Variants in MYOM1 observed in about 807,000 individuals in gnomAD.
MYOM1 encodes the protein myomesin 1, also known as myomesin-1.
A neutral mutation model predicts 205.3 loss-of-function variants in MYOM1; 164 were observed. The ratio of observed to expected loss-of-function variants is 0.80; its 90% confidence interval spans 0.70 to 0.91. The LOEUF (loss-of-function observed/expected upper bound fraction) is 0.91. MYOM1 is among the 40% of genes least tolerant of loss of function. The pLI is 0.00. For synonymous variants in MYOM1, 772 were observed against 789.4 expected, an observed-to-expected ratio of 0.98 and a Z score of 0.37; for missense variants, 2,011 against 2,127.3, an observed-to-expected ratio of 0.95 and a Z score of 1.08.
intron 33 of MYOM1, among the ~76,000 whole-genome samples, chr18:3,081,135 A>AC (rs1598651619): frequency 6.6e-6 from 1 of 152,134 alleles, no homozygotes; most frequent in East Asian, 1.9e-4. Context: ...CGTCTCAAAA[A>AC]AAAAAAAAAA....
chr18:3,156,292 C>T (rs1598730232), intron 10 of MYOM1, among the ~76,000 whole-genome samples: 1 of 152,156 alleles, frequency 6.6e-6, no homozygotes, highest in Admixed American at 6.5e-5. Context: ...CCCATGTCGA[C>T]CAAACAAACA....
chr18:3,200,332 G>A (rs1205828566), intron 2 of MYOM1, among the ~76,000 whole-genome samples: 1 of 152,168 alleles, frequency 6.6e-6, no homozygotes, highest in African/African-American at 2.4e-5. Context: ...GACATGCCAA[G>A]AAATAGGAAA....
chr18:3,205,989 T>C lies in MYOM1; in HGVS notation c.290+8945A>G, dbSNP rs149302495. ...TTACGGTCTAGTAAGGGAGCAAATA[T>C]ATTATGTCAATCAAGGAAGAAAGGA... On this transcript the variant is annotated intron_variant, in intron 2 of 37. Coordinates refer to ENST00000356443, the MANE Select transcript of MYOM1 (RefSeq NM_003803.4). 6.4e-3 allele frequency among the ~76,000 whole-genome samples: 968 copies of C among 152,250 alleles called. 11 individuals are homozygous for C. The highest frequency in any genetic ancestry group is 0.022 in the African/African-American group (914 of 41,532).
At chr18:3,121,295 C>T (rs2079687779) in intron 19 of MYOM1, among the ~76,000 whole-genome samples, 1 of 152,092 alleles carries the variant, frequency 6.6e-6, no homozygotes, top group South Asian at 2.1e-4. Flanking sequence ...CCCTAAAATC[C>T]CGGGTAGATA....
At chr18:3,116,719 G>C (rs1309231552) in intron 20 of MYOM1, among the ~76,000 whole-genome samples, 3 of 152,138 alleles carry the variant, frequency 2.0e-5, no homozygotes, top group Non-Finnish European at 2.9e-5. Flanking sequence ...GTCCCTTTAA[G>C]GGTGGCAGGT....
Position 3,129,633 on chromosome 18 carries a change from C to T in MYOM1, c.2507-114G>A, listed in dbSNP as rs2079847764. ...GGACCACAAGCAGAACAAAAACAGT[C>T]TTGGCTTAAAGAAAATCGCTCACAT... On this transcript the variant is annotated intron_variant, in intron 17 of 37. Coordinates refer to ENST00000356443, the MANE Select transcript of MYOM1 (RefSeq NM_003803.4). The T allele has an allele frequency of 3.4e-6, 4 of 1,165,808 alleles. No homozygotes were observed. The South Asian group carries it at 8.2e-5, about 24-fold the overall frequency. 72.2% of individuals were successfully genotyped at this position (1,165,808 alleles called of 1,614,324 possible).
At chr18:3,079,539 C>T (rs2079060929) in intron 33 of MYOM1, among the ~76,000 whole-genome samples, 197 bp from the exon 34 acceptor site, 1 of 151,944 alleles carries the variant, frequency 6.6e-6, no homozygotes, top group South Asian at 2.1e-4. Context: ...CAAGGTGTGA[C>T]AGTCTGAACA....
At chr18:3,239,256 G>C in the MYOM1 span, among the ~76,000 whole-genome samples, 1 of 152,174 alleles carries the variant, frequency 6.6e-6, no homozygotes, top group South Asian at 2.1e-4. Context: ...ATAGGAGCAA[G>C]GAGAGTTCCT....
At chr18:3,087,829 A>G (rs146981136) in intron 29 of MYOM1, among the ~76,000 whole-genome samples, 1,972 of 152,054 alleles carry the variant, frequency 0.013, 21 homozygotes, top group South Asian at 0.045. Flanking sequence ...TTTTGAGTAG[A>G]CTAGCGCCAA....
At chr18:3,079,371 C>T in intron 33 of MYOM1, 29 bp from the exon 34 acceptor site, 1 of 1,592,106 alleles carries the variant, frequency 6.3e-7, no homozygotes, top group Non-Finnish European at 8.6e-7. Context: ...ACTTCCTTAG[C>T]ATTTGCTTCC....
intron 18 of MYOM1, among the ~76,000 whole-genome samples, chr18:3,128,560 A>G (rs2079828018): frequency 6.6e-6 from 1 of 152,122 alleles, no homozygotes; most frequent in South Asian, 2.1e-4. Flanking sequence ...TATAATTTTA[A>G]CTTTTAAACT....
chr18:3,121,169 T>C (rs2079685582), intron 19 of MYOM1, among the ~76,000 whole-genome samples: 1 of 152,070 alleles, frequency 6.6e-6, no homozygotes, highest in African/African-American at 2.4e-5. Context: ...GTTTAATTAG[T>C]TTTGGGAGAA....
rs765299084 is a variant in MYOM1, at chr18:3,089,197, A to C, written c.4114T>G (p.Cys1372Gly). 9 of 1,611,998 alleles carry C rather than the reference A, an allele frequency of 5.6e-6. No individual in the cohort carries two copies. Among genetic ancestry groups the C allele is most frequent in the Non-Finnish European group, 7.6e-6 (9 of 1,178,536 alleles). ...EYLSWEVTGE[C>G]NVLLKCKVAN... ...ACCTTGCATTTCAATAGTACATTAC[A>C]TTCACCAGTCACTTCCCAGCTCAAA... Residue 1372 changes from cysteine (C) to glycine (G), a missense_variant, in exon 29 of 38, where the codon TGT becomes GGT. Coordinates refer to ENST00000356443, the MANE Select transcript of MYOM1 (RefSeq NM_003803.4).
chr18:3,217,814 C>G (rs1418691539), intron 1 of MYOM1, among the ~76,000 whole-genome samples: 1 of 151,976 alleles, frequency 6.6e-6, no homozygotes, highest in East Asian at 1.9e-4. Flanking sequence ...GAGACCTTGT[C>G]TCTATTATAA....
At chr18:3,176,698 T>C (rs2080645510) in intron 5 of MYOM1, among the ~76,000 whole-genome samples, 1 of 150,642 alleles carries the variant, frequency 6.6e-6, no homozygotes, top group African/African-American at 2.4e-5. Context: ...CTGGCCAACG[T>C]GGTGAAATAC....
rs945177242 is a variant in MYOM1, at chr18:3,179,662, C to T, written c.930-3528G>A. ...TTCAGACAGCTGTCTCAACATGGCT[C>T]GAGCAGACAGGACTATCTGATCAGA... is the stretch of plus-strand genomic sequence containing the variant. On this transcript the variant is annotated intron_variant, in intron 5 of 37. Transcript: ENST00000356443. This position sits in a 1 kb window ranked among gnomAD's most constrained non-coding sequence, Gnocchi z 4.4. Among the ~76,000 whole-genome samples the T allele has an allele frequency of 3.9e-5, 6 of 152,248 alleles. No homozygotes were observed. The highest frequency in any genetic ancestry group is 4.1e-4 in the South Asian group (2 of 4,822).
intron 33 of MYOM1, among the ~76,000 whole-genome samples, 194 bp downstream of exon 33, chr18:3,083,595 A>ATTTTTTTTTT (rs59299057): frequency 1.2e-4 from 13 of 107,116 alleles, no homozygotes; most frequent in East Asian, 5.4e-4. Context: ...CGCCCAGCTC[A>ATTTTTTTTTT]TTTTTTTTTT....
the MYOM1 span, among the ~76,000 whole-genome samples, chr18:3,231,379 C>G: frequency 6.6e-6 from 1 of 152,016 alleles, no homozygotes; most frequent in East Asian, 1.9e-4. Context: ...TGGCAGGGAG[C>G]AAACAAAACA....
At chr18:3,197,270 G>A (rs936261336) in intron 2 of MYOM1, among the ~76,000 whole-genome samples, 2 of 151,690 alleles carry the variant, frequency 1.3e-5, no homozygotes, top group African/African-American at 4.8e-5. Context: ...CTGAATAGCT[G>A]GGATTACAGG....
Sources: allele counts gnomAD v4.1 joint callset (sites outside exome capture counted in the v4.1 genomes callset), GRCh38; gene constraint gnomAD v4.1.1; non-coding constraint Gnocchi (gnomAD v3.1); transcripts MANE v1.5; gene names NCBI Gene and HGNC (gene_info 2026-07-23, HGNC 2026-07-21).